The following MAP3K13 variants were observed in gnomAD, a reference collection of about 807,000 sequenced individuals.
MAP3K13 encodes the protein mitogen-activated protein kinase kinase kinase 13.
MAP3K13 carries 52 observed loss-of-function variants against 104.0 expected under a neutral mutation model. That is an observed-to-expected ratio of 0.50 (90% CI 0.40 to 0.63). The LOEUF (loss-of-function observed/expected upper bound fraction) is 0.63. Ranked by LOEUF, MAP3K13 falls within the 20% of genes least tolerant of loss-of-function variation. The pLI is 0.00. For synonymous variants in MAP3K13, 394 were observed against 442.2 expected, an observed-to-expected ratio of 0.89 and a Z score of 1.37; for missense variants, 914 against 1,218.5, an observed-to-expected ratio of 0.75 and a Z score of 3.72.
chr3:185,307,541 A>ACCCCCCCCCACC (rs549544428), intron 2 of MAP3K13, among the ~76,000 whole-genome samples: 1 of 71,066 alleles, frequency 1.4e-5, no homozygotes, highest in Non-Finnish European at 2.6e-5. Flanking sequence ...TTGGTGCACC[A>ACCCCCCCCCACC]CCCCCTCCCC....
At chr3:185,285,332 T>A (rs762934147) in intron 1 of MAP3K13, 181 of 268,980 alleles carry the variant, frequency 6.7e-4, no homozygotes, top group Middle Eastern at 1.2e-3. Context: ...AATATTATTG[T>A]CTTACTTAAA....
intron 2 of MAP3K13, among the ~76,000 whole-genome samples, chr3:185,295,425 G>A (rs1467650084): frequency 6.6e-6 from 1 of 152,166 alleles, no homozygotes; most frequent in Non-Finnish European, 1.5e-5. Flanking sequence ...GGCTGGTCTT[G>A]AACTCCTGAC....
chr3:185,375,800 A>C (rs1031113774), intron 1 of MAP3K13, among the ~76,000 whole-genome samples: 3 of 152,122 alleles, frequency 2.0e-5, no homozygotes, highest in Admixed American at 6.5e-5. Flanking sequence ...AGTTTTTATT[A>C]AGGAGGCATT....
At chr3:185,390,444 A>G (rs1711974942) in intron 1 of MAP3K13, among the ~76,000 whole-genome samples, 1 of 152,162 alleles carries the variant, frequency 6.6e-6, no homozygotes, top group African/African-American at 2.4e-5. Context: ...AAGTGAGCAC[A>G]GTTTCATAGA....
intron 2 of MAP3K13, among the ~76,000 whole-genome samples, chr3:185,433,108 G>A (rs778544591): frequency 2.6e-5 from 4 of 152,212 alleles, no homozygotes; most frequent in Non-Finnish European, 4.4e-5. Flanking sequence ...CTCCCTTTGA[G>A]TATGTTGATA....
chr3:185,395,357 C>CTTTCT (rs1553798321), intron 1 of MAP3K13, among the ~76,000 whole-genome samples: 2 of 69,978 alleles, frequency 2.9e-5, no homozygotes, highest in Non-Finnish European at 4.9e-5. Flanking sequence ...AATATTATTT[C>CTTTCT]TTTTTTTTTT....
At chr3:185,326,221 G>A (rs1285389176) in intron 2 of MAP3K13, among the ~76,000 whole-genome samples, 1 of 152,126 alleles carries the variant, frequency 6.6e-6, no homozygotes, top group Admixed American at 6.5e-5. Flanking sequence ...ACAGTGCCTG[G>A]CAGGTAGCAA....
chr3:185,283,801 T>A (rs940964177), intron 1 of MAP3K13, among the ~76,000 whole-genome samples: 3 of 152,098 alleles, frequency 2.0e-5, no homozygotes, highest in African/African-American at 7.2e-5. Context: ...CAGGGAGGAG[T>A]TGGACCGTTG....
At chr3:185,311,713 A>G (rs114257214) in intron 2 of MAP3K13, among the ~76,000 whole-genome samples, 1,647 of 152,308 alleles carry the variant, frequency 0.011, 28 homozygotes, top group African/African-American at 0.038. Flanking sequence ...TGAAAGAACT[A>G]CATTTTTGGT....
chr3:185,455,668 G>C (rs1393489942), intron 7 of MAP3K13, among the ~76,000 whole-genome samples: 460 of 18,488 alleles, frequency 0.025, 198 homozygotes, highest in Non-Finnish European at 0.047. Context: ...ATATATATAT[G>C]ATATATATAT....
rs1020326549 is a variant in MAP3K13 at position 185,365,779 on chromosome 3, T to G, written c.-86+2411T>G. Among the ~76,000 whole-genome samples, 8 of 150,138 alleles carry G rather than the reference T, an allele frequency of 5.3e-5. No individual in the cohort carries two copies. In the East Asian group the frequency reaches 1.6e-3, roughly 29 times the overall value. Reference sequence around the variant, plus strand: ...CTCTGAAGGAATCTAGAAAGGAAAATGCCGGAAATAAACTTCAGTATTAGA... The same window carrying G: ...CTCTGAAGGAATCTAGAAAGGAAAAGGCCGGAAATAAACTTCAGTATTAGA... On this transcript the variant is annotated intron_variant, in intron 1 of 13. Transcript: ENST00000265026.
intron 2 of MAP3K13, among the ~76,000 whole-genome samples, chr3:185,357,951 T>C (rs1041561799): frequency 6.6e-6 from 1 of 152,238 alleles, no homozygotes; most frequent in Non-Finnish European, 1.5e-5. Flanking sequence ...CCATAATGTG[T>C]ACCTTTAATA....
intron 2 of MAP3K13, among the ~76,000 whole-genome samples, chr3:185,337,202 G>A (rs1722537711): frequency 1.3e-5 from 2 of 152,168 alleles, no homozygotes; most frequent in South Asian, 4.1e-4. Context: ...ATCGCAGCCG[G>A]CCTAATGACT....
At chr3:185,389,598 G>A (rs1245281381) in intron 1 of MAP3K13, among the ~76,000 whole-genome samples, 4 of 151,264 alleles carry the variant, frequency 2.6e-5, no homozygotes, top group African/African-American at 9.7e-5. Context: ...AAATACAATA[G>A]TATTCCTGTC....
At chr3:185,328,195 T>A (rs1722109929) in intron 2 of MAP3K13, among the ~76,000 whole-genome samples, 1 of 152,164 alleles carries the variant, frequency 6.6e-6, no homozygotes, top group Admixed American at 6.5e-5. Context: ...CCAAGAACTT[T>A]CTTTCACTAG....
intron 3 of MAP3K13, among the ~76,000 whole-genome samples, chr3:185,440,363 T>A (rs112195877): frequency 9.5e-4 from 145 of 152,280 alleles, no homozygotes; most frequent in African/African-American, 3.4e-3. Context: ...GTGGAACAAG[T>A]TAAAACATAG....
intron 7 of MAP3K13, among the ~76,000 whole-genome samples, chr3:185,457,252 G>A (rs931869040): frequency 6.6e-6 from 1 of 152,220 alleles, no homozygotes; most frequent in African/African-American, 2.4e-5. Flanking sequence ...AAAAGGAGAG[G>A]AGAGAACAGG....
At chr3:185,321,568 T>C (rs186959504) in intron 2 of MAP3K13, among the ~76,000 whole-genome samples, 7 of 152,338 alleles carry the variant, frequency 4.6e-5, no homozygotes, top group African/African-American at 1.7e-4. Context: ...GCCATATTCT[T>C]ATTTTTTTAT....
chr3:185,410,909 T>G lies in MAP3K13; in HGVS notation c.-85-17588T>G, dbSNP rs563174884. On this transcript the variant is annotated intron_variant, in intron 1 of 13. Coordinates refer to ENST00000265026, the MANE Select transcript of MAP3K13 (RefSeq NM_004721.5). ...AAGATCACACCGCTGCACTCCAGCC[T>G]GGGTGACAGAGCAAGACTCTGTCTA... is the stretch of plus-strand genomic sequence containing the variant. 8.7e-5 allele frequency among the ~76,000 whole-genome samples: 13 copies of G among 149,196 alleles called. No individual in the cohort carries two copies. The South Asian group carries it at 2.6e-3, about 29-fold the overall frequency.
Sources: allele counts gnomAD v4.1 joint callset (sites outside exome capture counted in the v4.1 genomes callset), GRCh38; gene constraint gnomAD v4.1.1; transcripts MANE v1.5; gene names NCBI Gene and HGNC (gene_info 2026-07-23, HGNC 2026-07-21).